Variants in SLC6A12 observed in about 807,000 individuals in gnomAD.
SLC6A12 encodes sodium- and chloride-dependent betaine transporter.
A neutral mutation model predicts 73.3 loss-of-function variants in SLC6A12; 50 were observed. That is an observed-to-expected ratio of 0.68 (90% CI 0.54 to 0.86). The LOEUF (loss-of-function observed/expected upper bound fraction) is 0.86. Among genes scored for constraint, SLC6A12 ranks in the 40% least tolerant of loss-of-function variants. The probability of loss-of-function intolerance (pLI) is 0.00; values close to 1 mark genes in which losing one functional copy is unlikely to be tolerated. For missense variants in SLC6A12, 648 were observed against 772.8 expected (o/e 0.84, Z 1.92); for synonymous variants, 304 against 309.2 (o/e 0.98, Z 0.18).
At chr12:186,377 G>A (rs1191497406), downstream of SLC6A12, among the ~76,000 whole-genome samples, 2 of 152,206 alleles carry the variant, frequency 1.3e-5, no homozygotes, top group Non-Finnish European at 2.9e-5. Context: ...TGGATCCAAG[G>A]ATAGGTATTA....
chr12:212,764 C>T (rs1404329930), intron 1 of SLC6A12, among the ~76,000 whole-genome samples: 1 of 152,174 alleles, frequency 6.6e-6, no homozygotes, highest in Non-Finnish European at 1.5e-5. Context: ...TTCTGGGCTA[C>T]TTTTAAAAGG....
chr12:188,069 C>G (rs1223502079), downstream of SLC6A12, among the ~76,000 whole-genome samples: 4 of 152,244 alleles, frequency 2.6e-5, no homozygotes, highest in Non-Finnish European at 4.4e-5. Flanking sequence ...GTGGATCCCT[C>G]ACTGGGGCCA....
At chr12:197,130 C>CATCTATCCATCTATCCATCCATCT (rs1366306049) in intron 10 of SLC6A12, among the ~76,000 whole-genome samples, 2 of 80,766 alleles carry the variant, frequency 2.5e-5, no homozygotes, top group African/African-American at 4.8e-5. Flanking sequence ...TCCATCCATC[C>CATCTATCCATCTATCCATCCATCT]ATCCATCCAT....
chr12:213,773 C>G lies in SLC6A12; in HGVS notation c.-143+149G>C, dbSNP rs1218926008. 1 of 152,652 alleles carries G rather than the reference C, an allele frequency of 6.6e-6. No individual in the cohort carries two copies. Among genetic ancestry groups the G allele is most frequent in the East Asian group, 1.9e-4 (1 of 5,210 alleles). The allele number at this position is 152,652 out of a possible 1,614,324, so 9.5% of individuals were successfully genotyped here. The stretch of plus-strand genomic sequence containing the variant: ...GAGAGTCGTGGGCATCAGACTTGCC[C>G]TTTGGCCTGAGGTTATTGCAGGTCC... On this transcript the variant is annotated intron_variant, in intron 1 of 15. Transcript: ENST00000684302. The surrounding 1 kb of genome is among the most constrained non-coding windows in gnomAD (Gnocchi z 5.3).
At chr12:187,610 A>ACCC (rs1939457210), downstream of SLC6A12, among the ~76,000 whole-genome samples, 1 of 15,822 alleles carries the variant, frequency 6.3e-5, no homozygotes, top group Non-Finnish European at 5.9e-4. Context: ...AAAAAAAAAA[A>ACCC]AAAAAAAAAA....
At chr12:200,140 TGG>T (rs1940137210) in intron 7 of SLC6A12, among the ~76,000 whole-genome samples, 19 of 140,602 alleles carry the variant, frequency 1.4e-4, no homozygotes, top group Non-Finnish European at 2.3e-4. Context: ...AGACGGAGTC[TGG>T]CTGTCGCCCA....
chr12:197,135 A>AGTGTTGG, intron 10 of SLC6A12, among the ~76,000 whole-genome samples: 1 of 109,232 alleles, frequency 9.2e-6, no homozygotes. Context: ...CCATCCATCC[A>AGTGTTGG]TCCATCCATC....
In SLC6A12 at chr12:200,317, C is replaced by G. The variant is rs915008207; in HGVS notation, c.711+334G>C. Among the ~76,000 whole-genome samples the G allele has an allele frequency of 2.0e-5, 3 of 151,882 alleles. No homozygotes were observed. The East Asian group carries it at 5.8e-4, about 29-fold the overall frequency. ...TAGAGACGGGGTTTTACCGTGTTAG[C>G]CAGGATGGTCTCGATCTCCTGACCT... On this transcript the variant is annotated intron_variant, in intron 7 of 15. Transcript: ENST00000684302.
chr12:186,725 T>G (rs1939436499), downstream of SLC6A12, among the ~76,000 whole-genome samples: 1 of 152,260 alleles, frequency 6.6e-6, no homozygotes, highest in African/African-American at 2.4e-5. Context: ...TGGGCGCTGC[T>G]GATGTTAACA....
rs1215601188 is a variant in SLC6A12, at chr12:197,947, G to C, written c.903C>G (p.Cys301Trp). 1.9e-6 allele frequency: 3 copies of C among 1,613,488 alleles called. No individual in the cohort carries two copies. Among genetic ancestry groups the C allele is most frequent in the African/African-American group, 1.3e-5 (1 of 74,820 alleles). The change falls in exon 9 of 16, where the codon TGC becomes TGG. Residue 301 changes from cysteine (C) to tryptophan (W), a missense_variant. Physicochemically the swap from Cys to Trp is radical, Grantham distance 215. Coordinates refer to ENST00000684302, the MANE Select transcript of SLC6A12 (RefSeq NM_001122848.3). ...TGTTGTAGCTGCCCAGGGCTGTCAG[G>C]CACCCCTGGCAGATGGCAAAGGAGA... ...IFFSFAICQG[C>W]LTALGSYNKY... is the part of the protein sequence containing the mutation.
intron 10 of SLC6A12, among the ~76,000 whole-genome samples, chr12:197,114 C>CCATCT (rs1565468945): frequency 3.7e-4 from 14 of 37,456 alleles, no homozygotes; most frequent in African/African-American, 1.2e-3. Context: ...TCCATCCATC[C>CCATCT]ATCCATCCAT....
rs1044807251 is a variant in SLC6A12, at chr12:210,117, C to T, written c.-57-74G>A. The T allele has an allele frequency of 7.9e-5, 115 of 1,448,132 alleles. No homozygotes were observed. The African/African-American group carries it at 8.5e-4, about 11-fold the overall frequency. 89.7% of individuals were successfully genotyped at this position (1,448,132 alleles called of 1,614,324 possible). A position where few individuals can be genotyped will look rare whatever the true frequency, so the allele number is the denominator to read the frequency against. ...AGCCCTGCTTTCCCATCCCGATCTCCGCTGTCAGCATATTGTTGTTCTTCC... is the reference window on the plus strand; with the variant it reads ...AGCCCTGCTTTCCCATCCCGATCTCTGCTGTCAGCATATTGTTGTTCTTCC... On this transcript the variant is annotated intron_variant, in intron 2 of 15. Coordinates refer to ENST00000684302, the MANE Select transcript of SLC6A12 (RefSeq NM_001122848.3).
At position 210,011 on chromosome 12, in the gene SLC6A12, C is replaced by T; in HGVS notation, c.-25G>A. ...TGGCTGTGTGGTGGGTTGGGAAGCC[C>T]CGCTGGGTGGGCAGGATGACGAGGG... On this transcript the variant is annotated 5_prime_UTR_variant, in exon 3 of 16. Coordinates refer to ENST00000684302, the MANE Select transcript of SLC6A12 (RefSeq NM_001122848.3). 1 of 1,611,182 alleles carries T rather than the reference C, an allele frequency of 6.2e-7. No individual in the cohort carries two copies. Among genetic ancestry groups the T allele is most frequent in the Middle Eastern group, 1.7e-4 (1 of 6,048 alleles).
chr12:187,186 T>G (rs1392528558), downstream of SLC6A12, among the ~76,000 whole-genome samples: 1 of 152,176 alleles, frequency 6.6e-6, no homozygotes, highest in Admixed American at 6.5e-5. Context: ...TTCACCAGTC[T>G]GCAACTCAAA....
chr12:213,556 G>C lies in SLC6A12; in HGVS notation c.-143+366C>G, dbSNP rs67273841. ...TCCTGGGCCCTCGGGAATGCCCCGAGGTTTCTCCTGTCCACTTCTCCTTCC... is the reference window on the plus strand; with the variant it reads ...TCCTGGGCCCTCGGGAATGCCCCGACGTTTCTCCTGTCCACTTCTCCTTCC... On this transcript the variant is annotated intron_variant, in intron 1 of 15. Coordinates refer to ENST00000684302, the MANE Select transcript of SLC6A12 (RefSeq NM_001122848.3). The surrounding 1 kb of genome is among the most constrained non-coding windows in gnomAD (Gnocchi z 5.3). The C allele has an allele frequency of 0.03, 4,568 of 152,700 alleles. 109 individuals carry two copies. The highest frequency in any genetic ancestry group is 0.046 in the Non-Finnish European group (3,163 of 68,238). The allele number at this position is 152,700 out of a possible 1,614,324, so 9.5% of individuals were successfully genotyped here.
rs146228816 is a variant in SLC6A12, at chr12:206,210, C to G, written c.215-1512G>C. On this transcript the variant is annotated intron_variant, in intron 3 of 15. Transcript: ENST00000684302. ...TTTTTCATCATCCCAGACCGAAACT[C>G]TGTACACGTTAAACACTAACTCCCC... Among the ~76,000 whole-genome samples, 149 of 152,354 alleles carry G rather than the reference C, an allele frequency of 9.8e-4. 1 individual carries two copies. Among genetic ancestry groups the G allele is most frequent in the African/African-American group, 3.6e-3 (148 of 41,584 alleles).
intron 12 of SLC6A12, among the ~76,000 whole-genome samples, chr12:195,560 T>G (rs1939822901): frequency 6.6e-6 from 1 of 152,218 alleles, no homozygotes; most frequent in Non-Finnish European, 1.5e-5. Flanking sequence ...CATCATCTCG[T>G]CTGCCCAGCA....
At chr12:197,549 G>A (rs755355487) in intron 9 of SLC6A12, 48 bp from the exon 10 acceptor site, 24 of 1,576,200 alleles carry the variant, frequency 1.5e-5, no homozygotes, top group Admixed American at 1.1e-4. Context: ...GAAAAGAGAG[G>A]AAGAGAGAGA....
Position 191,094 on chromosome 12 carries a change from C to T in SLC6A12, c.1819G>A (p.Ala607Thr). 2 of 1,338,360 alleles carry T rather than the reference C, an allele frequency of 1.5e-6. No individual in the cohort carries two copies. The highest frequency in any genetic ancestry group is 2.8e-5 in the East Asian group (1 of 36,132). 82.9% of individuals were successfully genotyped at this position (1,338,360 alleles called of 1,614,324 possible). A position where few individuals can be genotyped will look rare whatever the true frequency, so the allele number is the denominator to read the frequency against. Residue 607 changes from alanine to threonine, a missense_variant, in exon 16 of 16, where the codon GCC becomes ACC. Transcript: ENST00000684302. Reference protein sequence around the residue: ...GPSPTREGLIAGEKETHL With the variant: ...GPSPTREGLITGEKETHL ...TACAAATGGGTCTCCTTCTCCCCGGCTATCAGTCCTTCCCTTGTTGGGGAG... is the reference window on the plus strand; with the variant it reads ...TACAAATGGGTCTCCTTCTCCCCGGTTATCAGTCCTTCCCTTGTTGGGGAG...
Sources: allele counts gnomAD v4.1 joint callset (sites outside exome capture counted in the v4.1 genomes callset), GRCh38; gene constraint gnomAD v4.1.1; non-coding constraint Gnocchi (gnomAD v3.1); transcripts MANE v1.5; gene names NCBI Gene and HGNC (gene_info 2026-07-23, HGNC 2026-07-21).